The following AOPEP variants were observed in gnomAD, a reference collection of about 807,000 sequenced individuals.
AOPEP encodes aminopeptidase O (putative).
In AOPEP, 77 loss-of-function variants were observed where a neutral mutation model predicts 98.1. The ratio of observed to expected loss-of-function variants is 0.78; its 90% CI spans 0.65 to 0.95. AOPEP has a LOEUF of 0.95. Ranked by LOEUF, AOPEP falls within the 40% of genes least tolerant of loss-of-function variation. The pLI is 0.00. For synonymous variants in AOPEP, 346 were observed against 365.3 expected (o/e 0.95, Z 0.60); for missense variants, 1,024 against 1,024.7 (o/e 1.00, Z 0.01).
At chr9:94,886,297 A>G (rs768704681) in intron 5 of AOPEP, among the ~76,000 whole-genome samples, 36 of 152,328 alleles carry the variant, frequency 2.4e-4, no homozygotes, top group Admixed American at 1.2e-3. Flanking sequence ...GGGTGTGTGA[A>G]CATTCCTGAG....
At chr9:94,798,574 A>G (rs1184986577) in intron 4 of AOPEP, among the ~76,000 whole-genome samples, 1 of 152,194 alleles carries the variant, frequency 6.6e-6, no homozygotes, top group Non-Finnish European at 1.5e-5. Context: ...TAGAGAGACC[A>G]TTAGAATGAC....
intron 1 of AOPEP, among the ~76,000 whole-genome samples, chr9:94,751,485 G>A (rs932505233): frequency 6.6e-6 from 1 of 152,326 alleles, no homozygotes; most frequent in East Asian, 1.9e-4. Context: ...CTTAATTGGT[G>A]AGGTCAGGAA....
chr9:94,889,828 G>A (rs1046393290), intron 5 of AOPEP, among the ~76,000 whole-genome samples: 38 of 152,208 alleles, frequency 2.5e-4, no homozygotes, highest in Middle Eastern at 3.4e-3. Context: ...TTTCCACATC[G>A]TCACCATCAT....
chr9:94,908,410 C>T (rs2136381759), intron 5 of AOPEP, among the ~76,000 whole-genome samples: 1 of 152,304 alleles, frequency 6.6e-6, no homozygotes, highest in East Asian at 1.9e-4. Context: ...TTTACACTAT[C>T]TCCTGGGGGA....
At chr9:94,899,950 T>TC (rs1253459624) in intron 5 of AOPEP, among the ~76,000 whole-genome samples, 5 of 151,710 alleles carry the variant, frequency 3.3e-5, no homozygotes, top group African/African-American at 1.2e-4. Context: ...ACCTGACCCC[T>TC]CCCCCCCAGC....
the AOPEP span, among the ~76,000 whole-genome samples, chr9:95,148,140 T>A: frequency 6.6e-6 from 1 of 152,208 alleles, no homozygotes; most frequent in Non-Finnish European, 1.5e-5. Flanking sequence ...CATTTTCACA[T>A]ATGAATGTCT....
intron 5 of AOPEP, among the ~76,000 whole-genome samples, chr9:94,892,901 C>T (rs2049034001): frequency 6.6e-6 from 1 of 152,086 alleles, no homozygotes; most frequent in Non-Finnish European, 1.5e-5. Context: ...CTAGGTTGCC[C>T]AGGCTTGTCT....
At chr9:94,952,955 A>ATT (rs141663646) in intron 7 of AOPEP, among the ~76,000 whole-genome samples, 4,365 of 152,342 alleles carry the variant, frequency 0.029, 85 homozygotes, top group Admixed American at 0.063. Flanking sequence ...TGAAGGCGTC[A>ATT]TTGGGAACTG....
At chr9:95,080,034 G>A (rs114529331) in intron 14 of AOPEP, among the ~76,000 whole-genome samples, 1,908 of 152,308 alleles carry the variant, frequency 0.013, 39 homozygotes, top group African/African-American at 0.043. Context: ...TGATTTGAAA[G>A]GGAACCCTCA....
In AOPEP at chr9:94,851,734, A is replaced by G. The variant is rs72746599; in HGVS notation, c.1364+50732A>G. Among the ~76,000 whole-genome samples, 773 of 149,552 alleles carry G rather than the reference A, an allele frequency of 5.2e-3. 11 individuals carry two copies. Among genetic ancestry groups the G allele is most frequent in the South Asian group, 0.042 (194 of 4,566 alleles). On this transcript the variant is annotated intron_variant, in intron 5 of 16. Coordinates refer to ENST00000375315, the MANE Select transcript of AOPEP (RefSeq NM_001193329.3). ...ATGGCTGTCAGCTCAGAACAAGCTC[A>G]TCTGTAGTAGCTAAATTAACCTAGA...
At chr9:94,951,675 T>A (rs894591876) in intron 7 of AOPEP, among the ~76,000 whole-genome samples, 1 of 152,210 alleles carries the variant, frequency 6.6e-6, no homozygotes, top group Non-Finnish European at 1.5e-5. Flanking sequence ...ATGGTAGTTA[T>A]CTTTCACACA....
At chr9:94,845,343 A>G (rs972046607) in intron 5 of AOPEP, among the ~76,000 whole-genome samples, 1 of 152,352 alleles carries the variant, frequency 6.6e-6, no homozygotes, top group Admixed American at 6.5e-5. Flanking sequence ...AACGAGGGAA[A>G]AAATGGTAGG....
intron 5 of AOPEP, among the ~76,000 whole-genome samples, chr9:94,847,647 A>G (rs1040948028): frequency 1.3e-4 from 20 of 152,254 alleles, no homozygotes; most frequent in Non-Finnish European, 2.4e-4. Context: ...AAGATGAATC[A>G]TTAATGGGTT....
At chr9:95,109,076 ATTTC>A in the AOPEP span, among the ~76,000 whole-genome samples, 4 of 151,998 alleles carry the variant, frequency 2.6e-5, no homozygotes, top group African/African-American at 4.8e-5. Flanking sequence ...TACCTGGCTA[ATTTC>A]TTTATTTATT....
chr9:94,952,379 T>C (rs1031337779), intron 7 of AOPEP, among the ~76,000 whole-genome samples: 3 of 152,250 alleles, frequency 2.0e-5, no homozygotes, highest in African/African-American at 4.8e-5. Context: ...GATCAATCTA[T>C]AGAACAGTCC....
chr9:94,816,834 G>T (rs1300435605), intron 5 of AOPEP, among the ~76,000 whole-genome samples: 1 of 152,172 alleles, frequency 6.6e-6, no homozygotes, highest in Non-Finnish European at 1.5e-5. Context: ...AAAGGGATGT[G>T]AGTCTAACAA....
intron 5 of AOPEP, among the ~76,000 whole-genome samples, chr9:94,899,572 A>G (rs569179934): frequency 6.6e-6 from 1 of 151,912 alleles, no homozygotes; most frequent in African/African-American, 2.4e-5. Context: ...CAACAAAATG[A>G]GACCCCATCA....
intron 5 of AOPEP, among the ~76,000 whole-genome samples, chr9:94,819,200 T>C (rs1852402051): frequency 6.6e-6 from 1 of 152,206 alleles, no homozygotes; most frequent in South Asian, 2.1e-4. Flanking sequence ...AGATTGAGCC[T>C]GTCAGCTCCT....
At chr9:94,782,209 A>G (rs1246489899) in intron 3 of AOPEP, among the ~76,000 whole-genome samples, 3 of 152,078 alleles carry the variant, frequency 2.0e-5, no homozygotes, top group Non-Finnish European at 2.9e-5. Flanking sequence ...AGAAACAAAA[A>G]AAGAAAAAGA....
Sources: allele counts gnomAD v4.1 joint callset (sites outside exome capture counted in the v4.1 genomes callset), GRCh38; gene constraint gnomAD v4.1.1; transcripts MANE v1.5; gene names NCBI Gene and HGNC (gene_info 2026-07-23, HGNC 2026-07-21).